The following PREX2 variants were observed in gnomAD, a reference collection of about 807,000 sequenced individuals.
PREX2 encodes phosphatidylinositol-3,4,5-trisphosphate dependent Rac exchange factor 2, also known as phosphatidylinositol 3,4,5-trisphosphate-dependent Rac exchanger 2 protein.
In PREX2, 107 loss-of-function variants were observed where a neutral mutation model predicts 203.2. The observed-to-expected ratio is 0.53, with a 90% CI of 0.45 to 0.62. The LOEUF is 0.62. Among genes scored for constraint, PREX2 ranks in the 20% least tolerant of loss-of-function variants. The pLI is 0.00. For missense variants in PREX2, 1,777 were observed against 1,955.9 expected (o/e 0.91, Z 1.72); for synonymous variants, 672 against 663.6 (o/e 1.01, Z -0.19).
intron 30 of PREX2, among the ~76,000 whole-genome samples, chr8:68,125,215 A>T (rs1194142952): frequency 1.3e-5 from 2 of 152,090 alleles, no homozygotes; most frequent in East Asian, 3.9e-4. Context: ...ATCCTATTCA[A>T]CTTAAGTCAT....
chr8:68,033,812 G>T (rs1179820840), intron 6 of PREX2, among the ~76,000 whole-genome samples: 1 of 152,074 alleles, frequency 6.6e-6, no homozygotes, highest in East Asian at 1.9e-4. Context: ...CATTGTATGC[G>T]TTATAATCAC....
chr8:67,960,043 AT>A (rs1805591521), intron 1 of PREX2, among the ~76,000 whole-genome samples: 1 of 151,428 alleles, frequency 6.6e-6, no homozygotes, highest in Admixed American at 6.6e-5. Flanking sequence ...TTTTTAATTA[AT>A]TAATTAATTA....
At chr8:67,985,650 C>T (rs1230610166) in intron 1 of PREX2, among the ~76,000 whole-genome samples, 3 of 152,140 alleles carry the variant, frequency 2.0e-5, no homozygotes, top group African/African-American at 7.2e-5. Flanking sequence ...CTGGTGAATC[C>T]TGAACTCAGA....
chr8:68,093,408 A>AAAAG (rs1454613353), intron 20 of PREX2, among the ~76,000 whole-genome samples, 197 bp from the exon 21 acceptor site: 2 of 149,702 alleles, frequency 1.3e-5, no homozygotes, highest in East Asian at 1.9e-4. Flanking sequence ...AAAAAAAAAA[A>AAAAG]AAAGAAAGAA....
intron 1 of PREX2, among the ~76,000 whole-genome samples, chr8:67,994,115 T>G (rs573649437): frequency 3.9e-4 from 59 of 152,360 alleles, no homozygotes; most frequent in African/African-American, 1.4e-3. Flanking sequence ...GTTACCTGTC[T>G]ACTGTTATCT....
chr8:68,231,416 G>T lies in PREX2; in HGVS notation c.*38G>T. The T allele has an allele frequency of 6.4e-7, 1 of 1,571,340 alleles. No homozygotes were observed. The highest frequency in any genetic ancestry group is 1.8e-5 in the Admixed American group (1 of 55,332). On this transcript the variant is annotated 3_prime_UTR_variant, in exon 40 of 40. Coordinates refer to ENST00000288368, the MANE Select transcript of PREX2 (RefSeq NM_024870.4). ...AGAAACCAGGCAGGCAGAAGCTCCT[G>T]AATGCTGGACTAGACAAACTACATG... is the stretch of plus-strand genomic sequence containing the variant.
At chr8:68,215,035 C>G (rs1176545021) in intron 37 of PREX2, among the ~76,000 whole-genome samples, 1 of 152,116 alleles carries the variant, frequency 6.6e-6, no homozygotes, top group African/African-American at 2.4e-5. Context: ...AGATTTTTCT[C>G]TTAGGTATTG....
chr8:68,079,799 G>A (rs1022487629), intron 15 of PREX2, among the ~76,000 whole-genome samples: 4 of 152,132 alleles, frequency 2.6e-5, no homozygotes, highest in African/African-American at 9.6e-5. Flanking sequence ...GGGGATTTGG[G>A]GGGAAATGCT....
intron 32 of PREX2, among the ~76,000 whole-genome samples, chr8:68,137,478 TC>T (rs1330736093): frequency 6.6e-6 from 1 of 152,008 alleles, no homozygotes; most frequent in East Asian, 1.9e-4. Context: ...ACTATGTTGC[TC>T]AAGCTGGTCT....
intron 1 of PREX2, among the ~76,000 whole-genome samples, chr8:68,001,160 G>T (rs7016208): frequency 6.6e-6 from 1 of 151,560 alleles, no homozygotes; most frequent in Non-Finnish European, 1.5e-5. Context: ...AACAGACAAC[G>T]TACCCAATAG....
intron 11 of PREX2, among the ~76,000 whole-genome samples, chr8:68,062,152 C>T (rs907372196): frequency 1.3e-5 from 2 of 152,098 alleles, no homozygotes; most frequent in East Asian, 3.9e-4. Flanking sequence ...GCCGTCAAGC[C>T]CTGTGAGCTC....
chr8:68,143,935 T>A (rs911233320), intron 33 of PREX2, among the ~76,000 whole-genome samples: 4 of 152,188 alleles, frequency 2.6e-5, no homozygotes, highest in Non-Finnish European at 5.9e-5. Flanking sequence ...GAAACATTTG[T>A]TGAAAAGACT....
chr8:68,009,940 T>C (rs1695700398), intron 1 of PREX2, among the ~76,000 whole-genome samples: 1 of 152,206 alleles, frequency 6.6e-6, no homozygotes, highest in South Asian at 2.1e-4. Flanking sequence ...CCTGTGTGCT[T>C]CTGGTCCATG....
At chr8:68,018,472 T>A (rs2129610178) in intron 2 of PREX2, among the ~76,000 whole-genome samples, 1 of 151,798 alleles carries the variant, frequency 6.6e-6, no homozygotes, top group Non-Finnish European at 1.5e-5. Context: ...TGTCTCAAAA[T>A]AAATAAATAA....
At chr8:68,146,400 T>G in intron 34 of PREX2, 48 bp downstream of exon 34, 1 of 1,425,438 alleles carries the variant, frequency 7.0e-7, no homozygotes, top group South Asian at 1.3e-5. Flanking sequence ...TTATTTTATC[T>G]TTATTAATGC....
chr8:68,114,448 G>A (rs1182707728), intron 25 of PREX2: 1 of 378,664 alleles, frequency 2.6e-6, no homozygotes, highest in African/African-American at 2.1e-5. Flanking sequence ...AGCCCTATAT[G>A]GGTCCTTTGT....
chr8:68,088,552 G>C (rs1302844516), intron 19 of PREX2, among the ~76,000 whole-genome samples: 1 of 152,238 alleles, frequency 6.6e-6, no homozygotes, highest in Non-Finnish European at 1.5e-5. Context: ...AATTTGGCAA[G>C]AAAATTTTAA....
At position 68,053,181 on chromosome 8, in the gene PREX2, C is replaced by T. The variant is rs1408117496; in HGVS notation, c.1028C>T (p.Ala343Val). ...AAAAATAAATGGTTTGTTTGTATGG[C>T]AAAAACACCTGAAGAGAAGCATGAA... Reference protein sequence around the residue: ...TAKNKWFVCMAKTPEEKHEWF... With the variant: ...TAKNKWFVCMVKTPEEKHEWF... Residue 343 changes from alanine (A) to valine (V), a missense_variant, in exon 9 of 40, where the codon GCA (alanine) becomes GTA (valine). Transcript: ENST00000288368. 10 of 1,613,350 alleles carry T rather than the reference C, an allele frequency of 6.2e-6. No individual in the cohort carries two copies. The highest frequency in any genetic ancestry group is 1.7e-5 in the Admixed American group (1 of 59,950).
intron 37 of PREX2, among the ~76,000 whole-genome samples, chr8:68,214,994 G>A (rs1348240120): frequency 1.3e-5 from 2 of 152,128 alleles, no homozygotes; most frequent in Non-Finnish European, 2.9e-5. Flanking sequence ...GAAATGCTGG[G>A]GAAAGAAAAT....
Sources: allele counts gnomAD v4.1 joint callset (sites outside exome capture counted in the v4.1 genomes callset), GRCh38; gene constraint gnomAD v4.1.1; transcripts MANE v1.5; gene names NCBI Gene and HGNC (gene_info 2026-07-23, HGNC 2026-07-21).